Variants in RBFOX1 observed in about 807,000 individuals in gnomAD.
RBFOX1 encodes the protein RNA binding fox-1 homolog 1.
Under a neutral mutation model 57.7 loss-of-function variants are expected in RBFOX1, and 8 were observed. The observed-to-expected ratio is 0.14, with a 90% confidence interval of 0.08 to 0.25. The LOEUF is 0.25. Among genes scored for constraint, RBFOX1 ranks in the 10% least tolerant of loss-of-function variants. The pLI, the probability that RBFOX1 is intolerant of heterozygous loss-of-function variation, is 1.00. For synonymous variants in RBFOX1, 326 were observed against 222.4 expected (o/e 1.47, Z -4.15); for missense variants, 611 against 548.5 (o/e 1.11, Z -1.14).
rs527446549 is a variant in RBFOX1 at position 7,561,127 on chromosome 16, G to C, written c.271-18650G>C. 2.0e-5 allele frequency among the ~76,000 whole-genome samples: 3 copies of C among 152,304 alleles called. No homozygotes were observed. The East Asian group carries it at 5.8e-4, about 29-fold the overall frequency. ...AATGGTAGCTGAGTTGAACAGTGTA[G>C]ACACAGAGTATTTGTCCCTCTAAGA... On this transcript the variant is annotated intron_variant, in intron 5 of 15. Coordinates refer to ENST00000550418, the MANE Select transcript of RBFOX1 (RefSeq NM_018723.4).
At chr16:6,594,037 C>T (rs774788811) in intron 2 of RBFOX1, among the ~76,000 whole-genome samples, 26 of 152,124 alleles carry the variant, frequency 1.7e-4, no homozygotes, top group African/African-American at 6.3e-4. Context: ...TTATTAACTA[C>T]CCAGGGAACA....
At chr16:7,642,806 G>C (rs1405935238) in intron 11 of RBFOX1, among the ~76,000 whole-genome samples, 4 of 152,074 alleles carry the variant, frequency 2.6e-5, no homozygotes, top group Admixed American at 6.5e-5. Context: ...CAGCTCTTCA[G>C]GGCTTTGTCT....
intron 3 of RBFOX1, among the ~76,000 whole-genome samples, chr16:6,706,119 T>A (rs2062702431): frequency 6.6e-6 from 1 of 152,186 alleles, no homozygotes; most frequent in Admixed American, 6.5e-5. Context: ...GTGGCTGGCT[T>A]TGTACAGGCA....
At chr16:7,596,593 T>C (rs2094712697) in intron 8 of RBFOX1, among the ~76,000 whole-genome samples, 2 of 152,068 alleles carry the variant, frequency 1.3e-5, no homozygotes, top group African/African-American at 2.4e-5. Flanking sequence ...TACATATATA[T>C]ATATACCACG....
intron 4 of RBFOX1, among the ~76,000 whole-genome samples, chr16:5,981,130 G>A (rs931637026): frequency 6.6e-6 from 1 of 152,146 alleles, no homozygotes; most frequent in Non-Finnish European, 1.5e-5. Context: ...TCCCTTTTTA[G>A]CATCAATAAT....
chr16:6,603,721 A>T (rs2097886313), intron 2 of RBFOX1, among the ~76,000 whole-genome samples: 1 of 152,184 alleles, frequency 6.6e-6, no homozygotes, highest in African/African-American at 2.4e-5. Context: ...GGGTAAGGAC[A>T]TCTGGACTGT....
intron 1 of RBFOX1, among the ~76,000 whole-genome samples, chr16:5,273,309 T>C (rs988749316): frequency 6.6e-6 from 1 of 152,100 alleles, no homozygotes; most frequent in Non-Finnish European, 1.5e-5. Context: ...AGTCCCATTA[T>C]ACAGACACTA....
chr16:5,474,433 C>A (rs550182711), intron 2 of RBFOX1, among the ~76,000 whole-genome samples: 73 of 152,290 alleles, frequency 4.8e-4, no homozygotes, highest in African/African-American at 1.8e-3. Flanking sequence ...GTGGGCAGAT[C>A]ACCTGAGGTC....
intron 2 of RBFOX1, among the ~76,000 whole-genome samples, chr16:6,626,348 G>A (rs902387566): frequency 6.6e-6 from 1 of 152,144 alleles, no homozygotes; most frequent in African/African-American, 2.4e-5. Context: ...GTGTGGAGGA[G>A]TGGGTGTTGC....
chr16:7,234,425 C>T (rs896242255), intron 4 of RBFOX1, among the ~76,000 whole-genome samples: 20 of 152,002 alleles, frequency 1.3e-4, no homozygotes, highest in Admixed American at 1.1e-3. Context: ...GAGGTAAAAG[C>T]TAACAGTGCA....
intron 2 of RBFOX1, among the ~76,000 whole-genome samples, chr16:5,542,632 A>T (rs996799343): frequency 6.6e-6 from 1 of 152,188 alleles, no homozygotes; most frequent in African/African-American, 2.4e-5. Context: ...GATTTTAAGT[A>T]AACAAAAAGA....
At position 7,186,159 on chromosome 16, in the gene RBFOX1, T is replaced by C. The variant is rs73538645; in HGVS notation, c.27+134061T>C. Among the ~76,000 whole-genome samples the C allele has an allele frequency of 5.8e-3, 860 of 149,516 alleles. 44 individuals are homozygous for C. The highest frequency in any genetic ancestry group is 0.02 in the African/African-American group (790 of 39,588). On this transcript the variant is annotated intron_variant, in intron 4 of 15. Transcript: ENST00000550418. ...AGATTCCTAGATATCATGATACTTA[T>C]CTCTAATGACATAAATATGTATATA...
At chr16:6,214,323 G>C (rs1413134623) in intron 1 of RBFOX1, among the ~76,000 whole-genome samples, 5 of 151,750 alleles carry the variant, frequency 3.3e-5, no homozygotes, top group Admixed American at 3.3e-4. Flanking sequence ...GAGAAGGAGA[G>C]AGAGAGGGGG....
Position 7,310,174 on chromosome 16 carries a change from G to A in RBFOX1, c.28-207973G>A, listed in dbSNP as rs573068902. On this transcript the variant is annotated intron_variant, in intron 4 of 15. Coordinates refer to ENST00000550418, the MANE Select transcript of RBFOX1 (RefSeq NM_018723.4). ...GAATACAGGTGAGCTAGCCAAATGA[G>A]CAATGGACCCGCAGGCCGCCTCTGC... Among the ~76,000 whole-genome samples the A allele has an allele frequency of 1.6e-3, 241 of 152,302 alleles. 1 individual carries two copies. The highest frequency in any genetic ancestry group is 7.9e-3 in the South Asian group (38 of 4,824).
intron 4 of RBFOX1, among the ~76,000 whole-genome samples, chr16:5,950,545 G>C (rs1015031724): frequency 6.6e-6 from 1 of 152,152 alleles, no homozygotes; most frequent in Admixed American, 6.5e-5. Flanking sequence ...CGGGCTCATA[G>C]ATCCTTCTTA....
At chr16:7,444,729 C>G (rs1224719256) in intron 4 of RBFOX1, among the ~76,000 whole-genome samples, 1 of 152,054 alleles carries the variant, frequency 6.6e-6, no homozygotes. Context: ...GTGAGGGCTC[C>G]CTACGTTGCC....
intron 3 of RBFOX1, among the ~76,000 whole-genome samples, chr16:5,634,607 G>T (rs2108989): frequency 6.6e-6 from 1 of 152,146 alleles, no homozygotes; most frequent in African/African-American, 2.4e-5. Context: ...AACTATTTCA[G>T]ATCATTTAAG....
At chr16:6,485,916 A>T (rs1368049495) in intron 2 of RBFOX1, among the ~76,000 whole-genome samples, 1 of 152,012 alleles carries the variant, frequency 6.6e-6, no homozygotes, top group African/African-American at 2.4e-5. Flanking sequence ...ATCAGTGCTG[A>T]CTTATGGGCC....
intron 3 of RBFOX1, among the ~76,000 whole-genome samples, chr16:6,941,670 G>C (rs1006360385): frequency 6.6e-6 from 1 of 152,052 alleles, no homozygotes; most frequent in African/African-American, 2.4e-5. Context: ...AAGCAGGTCA[G>C]TCATAGTAAT....
Sources: allele counts gnomAD v4.1 joint callset (sites outside exome capture counted in the v4.1 genomes callset), GRCh38; gene constraint gnomAD v4.1.1; transcripts MANE v1.5; gene names NCBI Gene and HGNC (gene_info 2026-07-23, HGNC 2026-07-21).